The following CALN1 variants were observed in gnomAD, a reference collection of about 807,000 sequenced individuals.
CALN1 encodes the protein calcium-binding protein 8.
In CALN1, 17 loss-of-function variants were observed where a neutral mutation model predicts 30.6. The observed-to-expected ratio is 0.56, with a 90% confidence interval of 0.38 to 0.83. The LOEUF is 0.83. Among genes scored for constraint, CALN1 ranks in the 40% least tolerant of loss-of-function variants. The pLI, the probability that CALN1 is intolerant of heterozygous loss-of-function variation, is 0.00. For synonymous variants in CALN1, 156 were observed against 131.4 expected, an observed-to-expected ratio of 1.19 and a Z score of -1.28; for missense variants, 291 against 354.9, an observed-to-expected ratio of 0.82 and a Z score of 1.45.
intron 5 of CALN1, among the ~76,000 whole-genome samples, chr7:72,022,583 G>A (rs994198876): frequency 2.6e-5 from 4 of 152,046 alleles, no homozygotes; most frequent in Admixed American, 1.3e-4. Context: ...TTGCAGAGAC[G>A]GGATCTCGCT....
At chr7:72,471,817 T>C in the CALN1 span, among the ~76,000 whole-genome samples, 1 of 152,142 alleles carries the variant, frequency 6.6e-6, no homozygotes, top group South Asian at 2.1e-4. Context: ...TTGTTTGTTT[T>C]TGAGGCAGAG....
At position 72,202,188 on chromosome 7, in the gene CALN1, T is replaced by G. The variant is rs371399076; in HGVS notation, c.244+76498A>C. 2.4e-4 allele frequency among the ~76,000 whole-genome samples: 36 copies of G among 152,276 alleles called. No homozygotes were observed. The East Asian group carries it at 6.2e-3, about 26-fold the overall frequency. ...AAGCATTTAAATATCCACATGGAGA[T>G]ATTTATCAGCAAGACTGATACCGCA... On this transcript the variant is annotated intron_variant, in intron 3 of 6. Coordinates refer to ENST00000395275, the MANE Select transcript of CALN1 (RefSeq NM_031468.4).
chr7:72,448,922 C>T (rs185006776), upstream of CALN1, among the ~76,000 whole-genome samples: 8 of 152,172 alleles, frequency 5.3e-5, no homozygotes, highest in East Asian at 1.2e-3. Flanking sequence ...CTTTTTAATG[C>T]CATTTTCCCC....
the CALN1 span, among the ~76,000 whole-genome samples, chr7:72,476,564 A>C: frequency 6.6e-6 from 1 of 152,174 alleles, no homozygotes; most frequent in African/African-American, 2.4e-5. Flanking sequence ...GGACCTCCAA[A>C]ATAGTGGAAT....
intron 5 of CALN1, among the ~76,000 whole-genome samples, chr7:71,895,418 A>G (rs113340369): frequency 3.3e-5 from 5 of 152,076 alleles, no homozygotes; most frequent in African/African-American, 1.2e-4. Flanking sequence ...TTGATTTCAT[A>G]GAATTGTCTA....
chr7:72,414,289 T>C (rs1225845479), upstream of CALN1, among the ~76,000 whole-genome samples: 1 of 152,124 alleles, frequency 6.6e-6, no homozygotes, highest in Admixed American at 6.5e-5. Flanking sequence ...AACCAGGGCT[T>C]AAAATTATCT....
At chr7:72,026,583 T>A (rs1055848886) in intron 4 of CALN1, among the ~76,000 whole-genome samples, 21 of 150,166 alleles carry the variant, frequency 1.4e-4, no homozygotes, top group Non-Finnish European at 2.7e-4. Flanking sequence ...AGACTCTGTC[T>A]GGGGAAAAAA....
chr7:71,944,835 T>G (rs1360244050), intron 5 of CALN1, among the ~76,000 whole-genome samples: 1 of 152,184 alleles, frequency 6.6e-6, no homozygotes, highest in Non-Finnish European at 1.5e-5. Context: ...GCTACCAATG[T>G]GGTACCAGTC....
At chr7:72,381,313 T>C (rs1023322111) in intron 2 of CALN1, among the ~76,000 whole-genome samples, 1 of 152,212 alleles carries the variant, frequency 6.6e-6, no homozygotes, top group Non-Finnish European at 1.5e-5. Flanking sequence ...AAATACCATT[T>C]GACCCAGCAA....
intron 4 of CALN1, among the ~76,000 whole-genome samples, chr7:72,028,560 T>C (rs542721263): frequency 1.3e-5 from 2 of 152,334 alleles, no homozygotes; most frequent in African/African-American, 4.8e-5. Context: ...GGGCCAACTA[T>C]GGCGTGGAGT....
intron 2 of CALN1, among the ~76,000 whole-genome samples, chr7:72,323,772 G>A (rs966437955): frequency 2.6e-5 from 4 of 152,282 alleles, no homozygotes; most frequent in East Asian, 1.9e-4. Context: ...GGCTGAGCAC[G>A]GTGGCTCATG....
intron 5 of CALN1, among the ~76,000 whole-genome samples, chr7:71,936,773 C>G (rs2129521492): frequency 6.6e-6 from 1 of 152,314 alleles, no homozygotes; most frequent in Non-Finnish European, 1.5e-5. Flanking sequence ...TGAATTGTAG[C>G]TCCCATAATT....
the CALN1 span, among the ~76,000 whole-genome samples, chr7:72,456,967 A>G: frequency 2.6e-5 from 4 of 151,568 alleles, no homozygotes; most frequent in Admixed American, 6.6e-5. Flanking sequence ...CAATTGATGC[A>G]TAATTGGTTC....
chr7:72,364,013 G>A (rs764880395), intron 2 of CALN1, among the ~76,000 whole-genome samples: 17 of 152,022 alleles, frequency 1.1e-4, no homozygotes, highest in East Asian at 3.9e-4. Flanking sequence ...GGGATTACAG[G>A]CGTGAGCCAC....
chr7:71,895,143 C>A (rs898393313), intron 5 of CALN1, among the ~76,000 whole-genome samples: 1 of 152,082 alleles, frequency 6.6e-6, no homozygotes, highest in African/African-American at 2.4e-5. Flanking sequence ...TTTGTACAGA[C>A]GAGGTTTTCC....
intron 3 of CALN1, among the ~76,000 whole-genome samples, chr7:72,218,994 A>T (rs564788463): frequency 3.3e-5 from 5 of 152,226 alleles, no homozygotes; most frequent in African/African-American, 1.2e-4. Context: ...TGCAGATGCC[A>T]TGAGAAGCAC....
chr7:71,902,191 T>C (rs1380626525), intron 5 of CALN1, among the ~76,000 whole-genome samples: 2 of 151,478 alleles, frequency 1.3e-5, no homozygotes, highest in East Asian at 1.9e-4. Flanking sequence ...GCCACTGCAC[T>C]CCAGCCTGGG....
At chr7:71,935,088 T>C (rs145218119) in intron 5 of CALN1, among the ~76,000 whole-genome samples, 2 of 152,276 alleles carry the variant, frequency 1.3e-5, no homozygotes, top group African/African-American at 2.4e-5. Context: ...CCTTTCCATA[T>C]GAGATTTGGA....
intron 5 of CALN1, among the ~76,000 whole-genome samples, chr7:71,841,610 C>T (rs895163494): frequency 6.6e-5 from 10 of 152,248 alleles, no homozygotes; most frequent in African/African-American, 2.2e-4. Flanking sequence ...CCTAGGTGCC[C>T]TAGATGGTGG....
Sources: allele counts gnomAD v4.1 joint callset (sites outside exome capture counted in the v4.1 genomes callset), GRCh38; gene constraint gnomAD v4.1.1; transcripts MANE v1.5; gene names NCBI Gene and HGNC (gene_info 2026-07-23, HGNC 2026-07-21).